Variants in CSMD1 observed in about 807,000 individuals in gnomAD.
CSMD1 encodes the protein CUB and sushi domain-containing protein 1.
In CSMD1, 213 loss-of-function variants were observed where a neutral mutation model predicts 417.5. That is an observed-to-expected ratio of 0.51 (90% CI 0.46 to 0.57). The LOEUF is 0.57. Among genes scored for constraint, CSMD1 ranks in the 20% least tolerant of loss-of-function variants. The probability of loss-of-function intolerance (pLI) is 0.00; values close to 1 mark genes in which losing one functional copy is unlikely to be tolerated. For missense variants in CSMD1, 6,923 were observed against 4,529.7 expected (o/e 1.53, Z -15.17); for synonymous variants, 2,862 against 1,736.8 (o/e 1.65, Z -16.11).
At chr8:3,944,239 T>A (rs1811078981) in intron 5 of CSMD1, among the ~76,000 whole-genome samples, 1 of 152,168 alleles carries the variant, frequency 6.6e-6, no homozygotes, top group Admixed American at 6.5e-5. Context: ...GGCTGGTGTT[T>A]TTAAAAGGTG....
At chr8:4,879,713 T>C (rs933945486) in intron 1 of CSMD1, among the ~76,000 whole-genome samples, 4 of 151,798 alleles carry the variant, frequency 2.6e-5, no homozygotes, top group Admixed American at 2.0e-4. Flanking sequence ...CGAAAAAAAG[T>C]GCTATTAGAA....
chr8:4,054,875 G>C (rs889981362), intron 3 of CSMD1, among the ~76,000 whole-genome samples: 1 of 152,222 alleles, frequency 6.6e-6, no homozygotes, highest in East Asian at 1.9e-4. Flanking sequence ...AATGTTCTGT[G>C]ACATACAAAG....
chr8:3,138,240 A>G (rs1334280924), intron 41 of CSMD1, among the ~76,000 whole-genome samples: 1 of 152,106 alleles, frequency 6.6e-6, no homozygotes, highest in Non-Finnish European at 1.5e-5. Flanking sequence ...ACAAAAAACC[A>G]TATCCCATAT....
chr8:4,112,273 G>A (rs1448714087), intron 3 of CSMD1, among the ~76,000 whole-genome samples: 1 of 152,102 alleles, frequency 6.6e-6, no homozygotes, highest in Non-Finnish European at 1.5e-5. Context: ...GAATGTCTCT[G>A]ATACACCTTT....
intron 2 of CSMD1, among the ~76,000 whole-genome samples, chr8:4,530,778 C>G (rs1333299970): frequency 6.6e-6 from 1 of 151,504 alleles, no homozygotes; most frequent in Non-Finnish European, 1.5e-5. Context: ...CAAGTCTTTG[C>G]TATTGACCCA....
intron 68 of CSMD1, among the ~76,000 whole-genome samples, chr8:2,943,359 C>G (rs1459624147): frequency 2.6e-5 from 4 of 151,804 alleles, no homozygotes; most frequent in Non-Finnish European, 5.9e-5. Context: ...TCCCAAGTAG[C>G]TGGGATGACA....
At chr8:4,823,998 A>G (rs1799666659) in intron 1 of CSMD1, among the ~76,000 whole-genome samples, 1 of 151,834 alleles carries the variant, frequency 6.6e-6, no homozygotes, top group African/African-American at 2.4e-5. Context: ...ACACATATAC[A>G]ATCATGGACA....
chr8:3,269,771 G>C (rs890420159), intron 26 of CSMD1, among the ~76,000 whole-genome samples: 1 of 152,124 alleles, frequency 6.6e-6, no homozygotes, highest in Non-Finnish European at 1.5e-5. Flanking sequence ...AAAGTGTCAG[G>C]CTGATTACAA....
chr8:4,542,849 T>G (rs1797457079), intron 2 of CSMD1, among the ~76,000 whole-genome samples: 1 of 152,066 alleles, frequency 6.6e-6, no homozygotes. Flanking sequence ...AAGAAAAAAG[T>G]TTTTTTCACA....
chr8:3,553,118 CAAG>C (rs553247064), intron 10 of CSMD1, among the ~76,000 whole-genome samples: 22 of 102,912 alleles, frequency 2.1e-4, no homozygotes, highest in Non-Finnish European at 3.6e-4. Flanking sequence ...AAATTGTGGA[CAAG>C]GAGAAAAAAA....
chr8:3,263,675 A>G (rs1801239546), intron 26 of CSMD1, among the ~76,000 whole-genome samples: 1 of 152,256 alleles, frequency 6.6e-6, no homozygotes, highest in Admixed American at 6.5e-5. Flanking sequence ...AAACATAAAA[A>G]TAGGATAAGT....
intron 3 of CSMD1, among the ~76,000 whole-genome samples, chr8:4,051,384 C>T (rs1374862315): frequency 6.6e-6 from 1 of 151,904 alleles, no homozygotes; most frequent in African/African-American, 2.4e-5. Context: ...TCCCGGAGGG[C>T]TGATCCAACC....
intron 5 of CSMD1, among the ~76,000 whole-genome samples, chr8:3,972,029 C>T (rs1813125133): frequency 6.6e-6 from 1 of 151,948 alleles, no homozygotes; most frequent in Non-Finnish European, 1.5e-5. Context: ...GCATCAACCT[C>T]CTAAGTAATT....
At chr8:3,300,886 G>C (rs887473980) in intron 25 of CSMD1, among the ~76,000 whole-genome samples, 2 of 146,382 alleles carry the variant, frequency 1.4e-5, no homozygotes, top group Non-Finnish European at 3.0e-5. Flanking sequence ...TTGAACCCAG[G>C]AGGCTGAGGT....
chr8:3,689,974 T>TGACA (rs749696082), intron 7 of CSMD1, among the ~76,000 whole-genome samples: 6 of 152,250 alleles, frequency 3.9e-5, no homozygotes, highest in African/African-American at 9.6e-5. Flanking sequence ...CAGTAAGTAC[T>TGACA]GACATATGCC....
chr8:4,194,424 T>C (rs1799213806), intron 3 of CSMD1, among the ~76,000 whole-genome samples: 1 of 152,152 alleles, frequency 6.6e-6, no homozygotes, highest in South Asian at 2.1e-4. Flanking sequence ...GCTTGTAAAA[T>C]ATCTAACAAT....
chr8:4,564,938 G>C (rs1173826612), intron 2 of CSMD1, among the ~76,000 whole-genome samples: 2 of 152,158 alleles, frequency 1.3e-5, no homozygotes, highest in African/African-American at 4.8e-5. Flanking sequence ...GGCTTTTCTA[G>C]TGTTATGAAT....
At chr8:4,364,350 C>G (rs1280111569) in intron 3 of CSMD1, among the ~76,000 whole-genome samples, 1 of 152,078 alleles carries the variant, frequency 6.6e-6, no homozygotes, top group Non-Finnish European at 1.5e-5. Flanking sequence ...GAAATCTTAC[C>G]TAAGAAAACA....
At chr8:3,130,091 G>A (rs1166792463) in intron 41 of CSMD1, among the ~76,000 whole-genome samples, 1 of 152,170 alleles carries the variant, frequency 6.6e-6, no homozygotes, top group African/African-American at 2.4e-5. Context: ...TTAATTGACA[G>A]TTAATGGTTT....
Sources: allele counts gnomAD v4.1 joint callset (sites outside exome capture counted in the v4.1 genomes callset), GRCh38; gene constraint gnomAD v4.1.1; transcripts MANE v1.5; gene names NCBI Gene and HGNC (gene_info 2026-07-23, HGNC 2026-07-21).